PRSS48: variants seen among roughly 807,000 people sequenced by gnomAD.
PRSS48 encodes epidermis-specific serine protease-like protein.
Under a neutral mutation model 25.6 loss-of-function variants are expected in PRSS48, and 21 were observed. The ratio of observed to expected loss-of-function variants is 0.82; its 90% CI spans 0.58 to 1.18. PRSS48 has a LOEUF of 1.18. Among genes scored for constraint, PRSS48 ranks in the 50% most tolerant of loss-of-function variants. The pLI is 0.00. For missense variants in PRSS48, 373 were observed against 399.3 expected, an observed-to-expected ratio of 0.93 and a Z score of 0.56; for synonymous variants, 150 against 149.3, an observed-to-expected ratio of 1.00 and a Z score of -0.04.
In PRSS48 at chr4:151,287,127, TG is replaced by T. The variant is rs371048452; in HGVS notation, c.651+3842del. Among the ~76,000 whole-genome samples, 12 of 151,272 alleles carry T rather than the reference TG, an allele frequency of 7.9e-5. 1 individual carries two copies. The highest frequency in any genetic ancestry group is 2.9e-4 in the African/African-American group (12 of 41,234). ...AGGCCGAGGCAGGCAGATCACCTGATGTCAGGAGTTTGGGACCAGCCTGGCC... is the reference window on the plus strand; with the variant it reads ...AGGCCGAGGCAGGCAGATCACCTGATTCAGGAGTTTGGGACCAGCCTGGCC... On this transcript the variant is annotated intron_variant, in intron 4 of 4. Coordinates refer to ENST00000455694, the Ensembl canonical transcript of PRSS48.
intron 4 of PRSS48, among the ~76,000 whole-genome samples, chr4:151,290,870 C>A (rs796515703): frequency 6.6e-6 from 1 of 152,262 alleles, no homozygotes; most frequent in African/African-American, 2.4e-5. Flanking sequence ...AGTTTTATTT[C>A]TCTTTTTATC....
At chr4:151,280,214 T>C (rs1231431565) in intron 2 of PRSS48, among the ~76,000 whole-genome samples, 1 of 87,950 alleles carries the variant, frequency 1.1e-5, no homozygotes, top group Non-Finnish European at 3.3e-5. Flanking sequence ...GTCAGGAGAT[T>C]TTTGTCGTGT....
In PRSS48 at chr4:151,283,097, G is replaced by A; in HGVS notation, c.482-20G>A. 6.2e-7 allele frequency: 1 copy of A among 1,611,970 alleles called. No homozygotes were observed. The highest frequency in any genetic ancestry group is 8.5e-7 in the Non-Finnish European group (1 of 1,178,624). The stretch of plus-strand genomic sequence containing the variant: ...CTTTTCTAGGTTGCTTTAATCTTTT[G>A]TTCCTGTCTTCCTCCACAGATAGAG... On this transcript the variant is annotated intron_variant, in intron 3 of 4. Coordinates refer to ENST00000455694, the Ensembl canonical transcript of PRSS48.
At chr4:151,286,200 A>AC (rs1466625214) in intron 4 of PRSS48, among the ~76,000 whole-genome samples, 5 of 144,068 alleles carry the variant, frequency 3.5e-5, no homozygotes, top group Admixed American at 6.7e-5. Flanking sequence ...AAAAAAAAAA[A>AC]AAAACAACTA....
intron 4 of PRSS48, among the ~76,000 whole-genome samples, chr4:151,288,465 G>A (rs900105662): frequency 6.6e-6 from 1 of 152,128 alleles, no homozygotes; most frequent in African/African-American, 2.4e-5. Flanking sequence ...AGCAACTGTA[G>A]GCTGGGGGCA....
chr4:151,277,749 A>AGGGTAT (rs1773782462), intron 1 of PRSS48, among the ~76,000 whole-genome samples: 1 of 152,142 alleles, frequency 6.6e-6, no homozygotes, highest in Non-Finnish European at 1.5e-5. Context: ...ATTTAAAGGA[A>AGGGTAT]GGGTATACTG....
intron 1 of PRSS48, 50 bp downstream of exon 1, chr4:151,277,274 A>C: frequency 7.2e-7 from 1 of 1,395,230 alleles, no homozygotes. Context: ...ATTTTTACTA[A>C]AGAGGGCATC....
At chr4:151,287,637 G>A (rs995924834) in intron 4 of PRSS48, among the ~76,000 whole-genome samples, 1 of 152,190 alleles carries the variant, frequency 6.6e-6, no homozygotes, top group Non-Finnish European at 1.5e-5. Flanking sequence ...CTCAAGCCTT[G>A]TAATCCCAGC....
At chr4:151,291,562 T>A, downstream of PRSS48, 1 of 698,008 alleles carries the variant, frequency 1.4e-6, no homozygotes, top group Non-Finnish European at 2.4e-6. Flanking sequence ...TGTGAAGAGT[T>A]AAGAAATAAA....
At chr4:151,279,664 T>C in intron 1 of PRSS48, 132 bp from the exon 2 acceptor site, 1 of 772,174 alleles carries the variant, frequency 1.3e-6, no homozygotes, top group Non-Finnish European at 2.1e-6. Context: ...GGAACCAGAA[T>C]AGGATGGAGT....
intron 4 of PRSS48, among the ~76,000 whole-genome samples, chr4:151,286,814 T>C (rs1444260550): frequency 1.3e-5 from 2 of 151,352 alleles, no homozygotes; most frequent in Non-Finnish European, 2.9e-5. Flanking sequence ...ACCCCATCTC[T>C]ACAAAAAATA....
intron 2 of PRSS48, among the ~76,000 whole-genome samples, chr4:151,280,521 A>C (rs1288778778): frequency 6.6e-6 from 1 of 152,224 alleles, no homozygotes; most frequent in Non-Finnish European, 1.5e-5. Flanking sequence ...CTATGAGATA[A>C]ATATTTGTTG....
intron 4 of PRSS48, among the ~76,000 whole-genome samples, chr4:151,286,612 A>C (rs936370854): frequency 2.0e-5 from 3 of 151,646 alleles, no homozygotes; most frequent in African/African-American, 7.2e-5. Context: ...AAAAAAAAAA[A>C]AAAACTACGA....
intron 4 of PRSS48, among the ~76,000 whole-genome samples, 156 bp from the exon 5 acceptor site, chr4:151,290,962 A>G (rs559004045): frequency 6.6e-6 from 1 of 152,194 alleles, no homozygotes; most frequent in Non-Finnish European, 1.5e-5. Context: ...AATTCCTGTG[A>G]TATCTCCCTA....
chr4:151,280,303 A>C (rs552988363), intron 2 of PRSS48, among the ~76,000 whole-genome samples: 2 of 152,162 alleles, frequency 1.3e-5, no homozygotes, highest in African/African-American at 4.8e-5. Flanking sequence ...GAGTGTCCCT[A>C]TGGAGAGGCC....
chr4:151,283,042 T>G, intron 3 of PRSS48, 75 bp from the exon 4 acceptor site: 1 of 1,385,306 alleles, frequency 7.2e-7, no homozygotes, highest in Non-Finnish European at 1.0e-6. Context: ...CAGAGACTTC[T>G]GCACATCATG....
chr4:151,283,883 C>A (rs1030944751), intron 4 of PRSS48, among the ~76,000 whole-genome samples: 1 of 152,092 alleles, frequency 6.6e-6, no homozygotes, highest in Non-Finnish European at 1.5e-5. Flanking sequence ...TCACTCTATA[C>A]CTAAAAGATG....
At chr4:151,279,884 T>C (rs768573097) in exon 2 of PRSS48, 1 of 1,600,842 alleles carries the variant, frequency 6.2e-7, no homozygotes, top group Non-Finnish European at 8.6e-7. Flanking sequence ...GCCTACACTT[T>C]GACCACAACT....
intron 4 of PRSS48, 80 bp downstream of exon 4, chr4:151,283,366 G>A: frequency 7.5e-7 from 1 of 1,335,290 alleles, no homozygotes; most frequent in Admixed American, 1.8e-5. Flanking sequence ...GTAAATAACA[G>A]TGGATTGGGA....
Sources: gnomAD v4.1 joint callset for allele counts (sites outside exome capture counted in the v4.1 genomes callset) on GRCh38, gnomAD v4.1.1 for gene constraint, MANE v1.5 for transcripts, NCBI Gene and HGNC (gene_info 2026-07-23, HGNC 2026-07-21) for gene names.